CDH4: variants seen among roughly 807,000 people sequenced by gnomAD.
The protein encoded by CDH4 is cadherin-4.
A neutral mutation model predicts 86.0 loss-of-function variants in CDH4; 33 were observed. That is an observed-to-expected ratio of 0.38 (90% CI 0.29 to 0.51). The LOEUF is 0.51. Ranked by LOEUF, CDH4 falls within the 20% of genes least tolerant of loss-of-function variation. CDH4 has a pLI of 0.86. For synonymous variants in CDH4, 555 were observed against 549.4 expected, an observed-to-expected ratio of 1.01 and a Z score of -0.14; for missense variants, 1,114 against 1,307.4, an observed-to-expected ratio of 0.85 and a Z score of 2.28.
intron 2 of CDH4, among the ~76,000 whole-genome samples, chr20:61,322,498 A>G (rs929569013): frequency 1.3e-5 from 2 of 152,106 alleles, no homozygotes; most frequent in African/African-American, 2.4e-5. Context: ...GTCTCCCTTT[A>G]CAGCCCAGGA....
intron 2 of CDH4, among the ~76,000 whole-genome samples, chr20:61,442,751 G>A (rs903304175): frequency 5.3e-5 from 8 of 152,196 alleles, no homozygotes; most frequent in Non-Finnish European, 8.8e-5. Context: ...GGAAACAAGC[G>A]GCAAAGAAGA....
At chr20:61,550,040 GCCTCCCTGCCCCAA>G (rs1568888442) in intron 2 of CDH4, among the ~76,000 whole-genome samples, 1 of 151,476 alleles carries the variant, frequency 6.6e-6, no homozygotes, top group East Asian at 1.9e-4. Flanking sequence ...GGCCTCCCTG[GCCTCCCTGCCCCAA>G]CCTCCCTGGC....
intron 2 of CDH4, among the ~76,000 whole-genome samples, chr20:61,568,963 C>CAAGACGCTT (rs2086321717): frequency 6.6e-6 from 1 of 152,130 alleles, no homozygotes; most frequent in African/African-American, 2.4e-5. Flanking sequence ...GGTCCTCGCT[C>CAAGACGCTT]AAGACTCAAC....
At chr20:61,563,967 T>A (rs2086242434) in intron 2 of CDH4, among the ~76,000 whole-genome samples, 1 of 152,156 alleles carries the variant, frequency 6.6e-6, no homozygotes. Flanking sequence ...CCTCTCAACC[T>A]ACCCAGAAAT....
chr20:61,596,508 T>C (rs759108255), intron 2 of CDH4, among the ~76,000 whole-genome samples: 1 of 152,138 alleles, frequency 6.6e-6, no homozygotes, highest in Non-Finnish European at 1.5e-5. Context: ...CTCTGGGCCA[T>C]GAGTGGTGCT....
intron 2 of CDH4, among the ~76,000 whole-genome samples, chr20:61,303,470 C>G (rs1290189273): frequency 6.6e-6 from 1 of 151,934 alleles, no homozygotes; most frequent in East Asian, 1.9e-4. Flanking sequence ...CATTTTTTTC[C>G]AGCTCCTCTG....
At chr20:61,848,548 C>T (rs969092049) in intron 5 of CDH4, among the ~76,000 whole-genome samples, 3 of 147,750 alleles carry the variant, frequency 2.0e-5, no homozygotes, top group Non-Finnish European at 3.0e-5. Context: ...TTTTTTGAGA[C>T]AGAGTCTGAC....
intron 2 of CDH4, among the ~76,000 whole-genome samples, chr20:61,364,033 G>T (rs946296775): frequency 6.6e-6 from 1 of 152,158 alleles, no homozygotes; most frequent in Non-Finnish European, 1.5e-5. Flanking sequence ...ATTGCTTGTG[G>T]CCAGCATTTC....
chr20:61,717,641 C>G (rs1045337525), intron 2 of CDH4: 4 of 152,216 alleles, frequency 2.6e-5, no homozygotes, highest in African/African-American at 9.7e-5. Context: ...GCGCACACCA[C>G]CACACCTGGA....
intron 4 of CDH4, among the ~76,000 whole-genome samples, chr20:61,842,188 G>C (rs1982207846): frequency 6.6e-6 from 1 of 152,206 alleles, no homozygotes; most frequent in Non-Finnish European, 1.5e-5. Context: ...GGTGCCTGGC[G>C]AGAAGCCAGC....
chr20:61,464,990 T>C (rs975857182), intron 2 of CDH4, among the ~76,000 whole-genome samples: 6 of 152,238 alleles, frequency 3.9e-5, no homozygotes, highest in Non-Finnish European at 7.3e-5. Flanking sequence ...ATTTGGATCT[T>C]TTATTAAGTA....
At chr20:61,274,010 C>T (rs1403063816) in intron 2 of CDH4, among the ~76,000 whole-genome samples, 1 of 128,000 alleles carries the variant, frequency 7.8e-6, no homozygotes, top group South Asian at 2.6e-4. Context: ...GCACCATGCA[C>T]AGTTTGGGGG....
At chr20:61,351,371 G>A (rs899263181) in intron 2 of CDH4, among the ~76,000 whole-genome samples, 5 of 152,286 alleles carry the variant, frequency 3.3e-5, no homozygotes, top group Non-Finnish European at 5.9e-5. Context: ...TGGATTCTAC[G>A]CACACACTGT....
Position 61,770,209 on chromosome 20 carries a change from C to T in CDH4, c.397-2794C>T, listed in dbSNP as rs933818908. ...AGACCCCTGGGTCTCCATGTTTGCA[C>T]CTCACATGGCTCCTTTCTAAGGAAG... is the stretch of plus-strand genomic sequence containing the variant. On this transcript the variant is annotated intron_variant, in intron 3 of 15. Transcript: ENST00000614565. Among the ~76,000 whole-genome samples the T allele has an allele frequency of 3.9e-5, 6 of 152,162 alleles. No individual in the cohort carries two copies. In the South Asian group the frequency reaches 1.0e-3, roughly 26 times the overall value.
At chr20:61,477,806 C>T (rs1029579600) in intron 2 of CDH4, among the ~76,000 whole-genome samples, 2 of 152,180 alleles carry the variant, frequency 1.3e-5, no homozygotes, top group Non-Finnish European at 2.9e-5. Flanking sequence ...GGGAGAATGA[C>T]CTCCTCTTGG....
chr20:61,764,847 C>T (rs760358980), intron 3 of CDH4, among the ~76,000 whole-genome samples: 1 of 152,196 alleles, frequency 6.6e-6, no homozygotes, highest in Non-Finnish European at 1.5e-5. Context: ...GCAGGGAAGC[C>T]TCATGCAGGT....
intron 2 of CDH4, among the ~76,000 whole-genome samples, chr20:61,701,946 C>G (rs1029788016): frequency 3.3e-5 from 5 of 152,190 alleles, no homozygotes; most frequent in Non-Finnish European, 5.9e-5. Flanking sequence ...GTTCACTCAG[C>G]TGCGTGAAGC....
intron 2 of CDH4, among the ~76,000 whole-genome samples, chr20:61,697,297 T>C (rs1005156612): frequency 6.6e-6 from 1 of 152,060 alleles, no homozygotes; most frequent in Admixed American, 6.6e-5. Flanking sequence ...GAACATCAGA[T>C]GGCACAGAAA....
intron 3 of CDH4, among the ~76,000 whole-genome samples, chr20:61,749,210 C>A (rs1459275947): frequency 6.6e-6 from 1 of 152,056 alleles, no homozygotes; most frequent in African/African-American, 2.4e-5. Context: ...AATAATATGA[C>A]TTCAAAATAT....
Sources: allele counts gnomAD v4.1 joint callset (sites outside exome capture counted in the v4.1 genomes callset), GRCh38; gene constraint gnomAD v4.1.1; transcripts MANE v1.5; gene names NCBI Gene and HGNC (gene_info 2026-07-23, HGNC 2026-07-21).